ANKS1B: variants seen among roughly 807,000 people sequenced by gnomAD.
ANKS1B encodes ankyrin repeat and sterile alpha motif domain containing 1B.
In ANKS1B, 36 loss-of-function variants were observed where a neutral mutation model predicts 148.3. The observed-to-expected ratio is 0.24, with a 90% CI of 0.19 to 0.32. ANKS1B has a LOEUF of 0.32. Ranked by LOEUF, ANKS1B falls within the 10% of genes least tolerant of loss-of-function variation. The pLI, the probability that ANKS1B is intolerant of heterozygous loss-of-function variation, is 1.00. For missense variants in ANKS1B, 1,157 were observed against 1,542.6 expected (o/e 0.75, Z 4.19); for synonymous variants, 542 against 560.8 (o/e 0.97, Z 0.47).
chr12:99,574,255 G>C (rs997491032), intron 9 of ANKS1B, among the ~76,000 whole-genome samples: 1 of 151,960 alleles, frequency 6.6e-6, no homozygotes, highest in Non-Finnish European at 1.5e-5. Flanking sequence ...TATTGTTCCC[G>C]AGAGCACTTC....
At position 99,132,809 on chromosome 12, in the gene ANKS1B, G is replaced by A. The variant is rs973469069; in HGVS notation, c.2526+21480C>T. Among the ~76,000 whole-genome samples, 4 of 152,156 alleles carry A rather than the reference G, an allele frequency of 2.6e-5. No homozygotes were observed. The South Asian group carries it at 6.2e-4, about 24-fold the overall frequency. On this transcript the variant is annotated intron_variant, in intron 15 of 26. Transcript: ENST00000683438. ...TATCCACCTCAAAAAGTTGTTGTGA[G>A]GATCAAGTTTAAATAAAGCACATAA...
At chr12:98,995,371 A>C (rs1598198263) in intron 17 of ANKS1B, among the ~76,000 whole-genome samples, 2 of 152,310 alleles carry the variant, frequency 1.3e-5, no homozygotes, top group African/African-American at 4.8e-5. Context: ...CAGATGGATC[A>C]CCTGAGGTCA....
At chr12:99,306,053 G>A (rs928966558) in intron 12 of ANKS1B, among the ~76,000 whole-genome samples, 2 of 152,056 alleles carry the variant, frequency 1.3e-5, no homozygotes, top group African/African-American at 4.8e-5. Flanking sequence ...GAACTCCAGG[G>A]GTTTTCTGGA....
chr12:99,409,982 C>T (rs535173247), intron 11 of ANKS1B, among the ~76,000 whole-genome samples: 10 of 152,344 alleles, frequency 6.6e-5, no homozygotes, highest in African/African-American at 2.2e-4. Flanking sequence ...GTCCAGTCCT[C>T]ATATCACCCT....
At chr12:98,890,009 G>C (rs1053912269) in intron 17 of ANKS1B, among the ~76,000 whole-genome samples, 1 of 152,146 alleles carries the variant, frequency 6.6e-6, no homozygotes, top group African/African-American at 2.4e-5. Context: ...AGCAGCGAAC[G>C]AGAGGAAAGA....
intron 15 of ANKS1B, among the ~76,000 whole-genome samples, chr12:99,095,025 C>G (rs1037455099): frequency 2.5e-5 from 2 of 79,050 alleles, no homozygotes; most frequent in South Asian, 8.1e-4. Context: ...ATGGGTCTCA[C>G]TGGGGGGGGG....
intron 14 of ANKS1B, among the ~76,000 whole-genome samples, chr12:99,206,631 A>C (rs1308365570): frequency 6.6e-6 from 1 of 152,156 alleles, no homozygotes; most frequent in Non-Finnish European, 1.5e-5. Context: ...AGTGTTTCTA[A>C]AGGTTAGGAT....
intron 14 of ANKS1B, among the ~76,000 whole-genome samples, chr12:99,211,150 C>G (rs1566640363): frequency 1.3e-5 from 2 of 152,160 alleles, no homozygotes; most frequent in Non-Finnish European, 1.5e-5. Context: ...GCTAATGCCC[C>G]TGGGGGAGCA....
At chr12:98,899,393 G>A (rs148471704) in intron 17 of ANKS1B, among the ~76,000 whole-genome samples, 1 of 152,228 alleles carries the variant, frequency 6.6e-6, no homozygotes, top group East Asian at 1.9e-4. Flanking sequence ...ATATCATTTG[G>A]CCAGGTTAAA....
intron 9 of ANKS1B, among the ~76,000 whole-genome samples, chr12:99,528,853 T>C (rs2096958182): frequency 1.3e-5 from 2 of 152,228 alleles, no homozygotes; most frequent in Non-Finnish European, 2.9e-5. Context: ...GGAATATTTC[T>C]AGAAGATATT....
At chr12:99,522,460 T>C (rs548943217) in intron 9 of ANKS1B, among the ~76,000 whole-genome samples, 34 of 152,342 alleles carry the variant, frequency 2.2e-4, no homozygotes, top group Admixed American at 5.9e-4. Flanking sequence ...AAGAGAACAT[T>C]ATGCCCCCCA....
chr12:99,058,253 T>A (rs952344018), intron 16 of ANKS1B, among the ~76,000 whole-genome samples: 1 of 148,502 alleles, frequency 6.7e-6, no homozygotes, highest in Non-Finnish European at 1.5e-5. Context: ...TTTTTTTTTT[T>A]AAGACAGAGT....
At chr12:99,377,442 T>C (rs895711106) in intron 12 of ANKS1B, among the ~76,000 whole-genome samples, 1 of 152,198 alleles carries the variant, frequency 6.6e-6, no homozygotes, top group Non-Finnish European at 1.5e-5. Context: ...TAGACAGTTT[T>C]ATTTCCTAGG....
At position 99,639,267 on chromosome 12, in the gene ANKS1B, A is replaced by G. The variant is rs562063408; in HGVS notation, c.1272+15800T>C. 5.9e-5 allele frequency among the ~76,000 whole-genome samples: 9 copies of G among 152,344 alleles called. 1 individual carries two copies. Among genetic ancestry groups the G allele is most frequent in the Admixed American group, 2.0e-4 (3 of 15,300 alleles). ...TTGGCCAATTTCTCCCTTTTGAAAC[A>G]GGTGTATTTACCCAGTATCTGTATC... On this transcript the variant is annotated intron_variant, in intron 9 of 26. Transcript: ENST00000683438.
chr12:99,825,651 T>G (rs1450675820), intron 1 of ANKS1B, among the ~76,000 whole-genome samples: 2 of 152,236 alleles, frequency 1.3e-5, no homozygotes, highest in African/African-American at 2.4e-5. Context: ...CACTGAAGTT[T>G]GGATCCAAAA....
chr12:99,803,746 A>G (rs1003221456), intron 4 of ANKS1B, among the ~76,000 whole-genome samples: 4 of 152,218 alleles, frequency 2.6e-5, no homozygotes, highest in African/African-American at 9.6e-5. Context: ...TAATGCACAT[A>G]TGCAAGCTAA....
At chr12:99,046,141 TG>T (rs1269595278) in intron 17 of ANKS1B, among the ~76,000 whole-genome samples, 1 of 152,164 alleles carries the variant, frequency 6.6e-6, no homozygotes, top group African/African-American at 2.4e-5. Flanking sequence ...GCCCTCGTGG[TG>T]GGGAAGTATT....
chr12:99,628,403 T>C (rs963411115), intron 9 of ANKS1B, among the ~76,000 whole-genome samples: 1 of 152,152 alleles, frequency 6.6e-6, no homozygotes, highest in African/African-American at 2.4e-5. Flanking sequence ...CTAAAAAAAA[T>C]TTCTGTGAAA....
intron 19 of ANKS1B, among the ~76,000 whole-genome samples, chr12:98,813,787 T>A (rs2099116898): frequency 6.6e-6 from 1 of 152,214 alleles, no homozygotes; most frequent in Admixed American, 6.5e-5. Context: ...ACTCCTGGCC[T>A]CAAGTGATCC....
Sources: gnomAD v4.1 joint callset for allele counts (sites outside exome capture counted in the v4.1 genomes callset) on GRCh38, gnomAD v4.1.1 for gene constraint, MANE v1.5 for transcripts, NCBI Gene and HGNC (gene_info 2026-07-23, HGNC 2026-07-21) for gene names.